The following SYT6 variants were observed in gnomAD, a reference collection of about 807,000 sequenced individuals.
The protein encoded by SYT6 is synaptotagmin 6.
In SYT6, 24 loss-of-function variants were observed where a neutral mutation model predicts 38.4. The ratio of observed to expected loss-of-function variants is 0.62; its 90% CI spans 0.45 to 0.88. The LOEUF (loss-of-function observed/expected upper bound fraction) is 0.88, where lower values mean the gene tolerates loss of function less well. Among genes scored for constraint, SYT6 ranks in the 40% least tolerant of loss-of-function variants. SYT6 has a pLI of 0.00. For synonymous variants in SYT6, 265 were observed against 241.9 expected, an observed-to-expected ratio of 1.10 and a Z score of -0.89; for missense variants, 611 against 621.0, an observed-to-expected ratio of 0.98 and a Z score of 0.17.
At chr1:114,142,202 C>G (rs573744750) in intron 1 of SYT6, among the ~76,000 whole-genome samples, 2 of 152,174 alleles carry the variant, frequency 1.3e-5, no homozygotes, top group Non-Finnish European at 2.9e-5. Flanking sequence ...ATAGGATTCA[C>G]CATTCTTGAT....
At chr1:114,109,369 C>G (rs188424096) in intron 3 of SYT6, among the ~76,000 whole-genome samples, 87 of 152,332 alleles carry the variant, frequency 5.7e-4, no homozygotes, top group Non-Finnish European at 7.6e-4. Context: ...TCAGCAAATA[C>G]TGGCTAATGA....
chr1:114,103,536 C>T, intron 4 of SYT6, 65 bp downstream of exon 4: 2 of 1,595,480 alleles, frequency 1.3e-6, no homozygotes, highest in East Asian at 2.3e-5. Context: ...TCTCCTTCTC[C>T]CCGAACACCC....
chr1:114,112,881 TCTG>T (rs1223918567), intron 3 of SYT6, among the ~76,000 whole-genome samples: 1 of 152,202 alleles, frequency 6.6e-6, no homozygotes, highest in East Asian at 1.9e-4. Flanking sequence ...TGGTGAGAGA[TCTG>T]CTCTCTGCCC....
intron 1 of SYT6, among the ~76,000 whole-genome samples, chr1:114,147,572 A>G (rs1296765830): frequency 6.6e-6 from 1 of 152,232 alleles, no homozygotes. Context: ...GTACAGGGGC[A>G]CATGGCTTCT....
chr1:114,148,785 A>T (rs796849212), intron 1 of SYT6, among the ~76,000 whole-genome samples: 33 of 152,280 alleles, frequency 2.2e-4, no homozygotes, highest in African/African-American at 7.5e-4. Flanking sequence ...ACACCCTTAA[A>T]GATAAAGAAA....
At chr1:114,124,912 A>G (rs1298996573) in intron 3 of SYT6, among the ~76,000 whole-genome samples, 1 of 152,194 alleles carries the variant, frequency 6.6e-6, no homozygotes. Flanking sequence ...TGGGGATAAC[A>G]CCAGTACCTA....
chr1:114,129,768 C>A (rs1678028724), intron 3 of SYT6, among the ~76,000 whole-genome samples: 1 of 151,218 alleles, frequency 6.6e-6, no homozygotes, highest in South Asian at 2.1e-4. Flanking sequence ...GCCTTGATCT[C>A]CCAGGCTCAA....
At chr1:114,136,355 A>C (rs1287779205) in intron 3 of SYT6, among the ~76,000 whole-genome samples, 1 of 152,196 alleles carries the variant, frequency 6.6e-6, no homozygotes, top group Non-Finnish European at 1.5e-5. Flanking sequence ...AGTGGAGGAA[A>C]TATCCAGGTT....
Position 114,097,782 on chromosome 1 carries a change from C to T in SYT6, c.1460G>A (p.Arg487Gln), listed in dbSNP as rs181310527. 9.8e-5 allele frequency: 158 copies of T among 1,614,152 alleles called. No individual in the cohort carries two copies. The highest frequency in any genetic ancestry group is 1.2e-4 in the Non-Finnish European group (144 of 1,180,030). ...GGAGTGCCAGTGTGCGATGGGCTTCCGGGGGTATGCCAGCATCTCGTTCCA... is the reference window on the plus strand; with the variant it reads ...GGAGTGCCAGTGTGCGATGGGCTTCTGGGGGTATGCCAGCATCTCGTTCCA... ...DHWNEMLAYP[R>Q]KPIAHWHSLV... Residue 487 changes from arginine to glutamine, a missense_variant, in exon 6 of 8, where the codon CGG becomes CAG. Transcript: ENST00000610222.
chr1:114,147,643 G>A (rs1006382822), intron 1 of SYT6, among the ~76,000 whole-genome samples: 1 of 152,226 alleles, frequency 6.6e-6, no homozygotes, highest in Non-Finnish European at 1.5e-5. Context: ...TCTCAGGTGG[G>A]CGGCAGTGCC....
intron 3 of SYT6, among the ~76,000 whole-genome samples, chr1:114,104,130 G>A (rs890602590): frequency 6.6e-6 from 1 of 152,176 alleles, no homozygotes; most frequent in African/African-American, 2.4e-5. Context: ...CCAGGCATGT[G>A]GTCATGACAG....
intron 3 of SYT6, 143 bp from the exon 4 acceptor site, chr1:114,103,864 C>G (rs1462128652): frequency 1.9e-6 from 2 of 1,043,910 alleles, no homozygotes; most frequent in African/African-American, 3.2e-5. Context: ...AAGGGACTGG[C>G]CTCCATGCTG....
intron 1 of SYT6, 74 bp from the exon 2 acceptor site, chr1:114,140,037 G>A: frequency 1.2e-6 from 1 of 862,442 alleles, no homozygotes. Context: ...GGTGTTGGAG[G>A]AGGGGGCACA....
intron 3 of SYT6, among the ~76,000 whole-genome samples, chr1:114,123,995 T>C (rs1677572175): frequency 7.0e-6 from 1 of 142,406 alleles, no homozygotes; most frequent in Admixed American, 7.1e-5. Flanking sequence ...CCTTCTCATT[T>C]TGAATGGAAG....
chr1:114,119,867 C>A (rs1056498659), intron 3 of SYT6, among the ~76,000 whole-genome samples: 3 of 152,064 alleles, frequency 2.0e-5, no homozygotes. Context: ...GTCAGGAGAT[C>A]GAGACCATCC....
chr1:114,152,127 G>C (rs1455559400), intron 1 of SYT6: 2 of 152,106 alleles, frequency 1.3e-5, no homozygotes, highest in African/African-American at 2.4e-5. Context: ...CTCCTCACGG[G>C]TATCTACCTC....
At chr1:114,119,968 G>A (rs957005533) in intron 3 of SYT6, among the ~76,000 whole-genome samples, 6 of 151,868 alleles carry the variant, frequency 4.0e-5, no homozygotes, top group Admixed American at 2.0e-4. Context: ...CTACTCGGGC[G>A]GCTGAGGCAG....
intron 3 of SYT6, among the ~76,000 whole-genome samples, chr1:114,135,568 T>G (rs1465351701): frequency 1.3e-5 from 2 of 152,126 alleles, no homozygotes; most frequent in Non-Finnish European, 2.9e-5. Flanking sequence ...TCTGCCCTTT[T>G]CAGAAGCCAG....
intron 7 of SYT6, among the ~76,000 whole-genome samples, chr1:114,092,348 G>C (rs2629819): frequency 0.058 from 8,335 of 143,984 alleles, 361 homozygotes; most frequent in African/African-American, 0.12. Flanking sequence ...CTGTGTGTGT[G>C]TGTGTGTGTG....
Sources: gnomAD v4.1 joint callset for allele counts (sites outside exome capture counted in the v4.1 genomes callset) on GRCh38, gnomAD v4.1.1 for gene constraint, MANE v1.5 for transcripts, NCBI Gene and HGNC (gene_info 2026-07-23, HGNC 2026-07-21) for gene names.